FER1L6: variants seen among roughly 807,000 people sequenced by gnomAD.
FER1L6 encodes fer-1 like family member 6, also known as fer-1-like protein 6.
FER1L6 carries 177 observed loss-of-function variants against 219.2 expected under a neutral mutation model. That is an observed-to-expected ratio of 0.81 (90% CI 0.71 to 0.91). FER1L6 has a LOEUF of 0.91. FER1L6 is among the 40% of genes least tolerant of loss of function. The pLI is 0.00. For missense variants in FER1L6, 2,153 were observed against 2,259.9 expected (o/e 0.95, Z 0.96); for synonymous variants, 768 against 824.3 (o/e 0.93, Z 1.17).
In FER1L6 at chr8:124,039,155, C is replaced by T. The variant is rs548099475; in HGVS notation, c.2465-727C>T. ...GCCAGCATTCTCACAGGACACTTAT[C>T]CCTGACCCCCTGCCTGTGATGTGGG... is the stretch of plus-strand genomic sequence containing the variant. On this transcript the variant is annotated intron_variant, in intron 19 of 40. Coordinates refer to ENST00000522917, the MANE Select transcript of FER1L6 (RefSeq NM_001039112.2). Among the ~76,000 whole-genome samples, 126 of 152,292 alleles carry T rather than the reference C, an allele frequency of 8.3e-4. 1 individual carries two copies. Among genetic ancestry groups the T allele is most frequent in the East Asian group, 9.7e-4 (5 of 5,180 alleles).
intron 26 of FER1L6, among the ~76,000 whole-genome samples, chr8:124,065,674 A>G (rs766219050): frequency 6.6e-6 from 1 of 152,230 alleles, no homozygotes; most frequent in African/African-American, 2.4e-5. Flanking sequence ...TGTGAGCCTC[A>G]GCAGAGAAGA....
chr8:123,920,235 C>T (rs1044581156), intron 1 of FER1L6, among the ~76,000 whole-genome samples: 5 of 152,250 alleles, frequency 3.3e-5, no homozygotes, highest in Admixed American at 6.5e-5. Context: ...TCATCAGGAC[C>T]ACGAAGAGGT....
At chr8:123,952,416 A>T (rs562556399) in intron 1 of FER1L6, among the ~76,000 whole-genome samples, 1 of 152,322 alleles carries the variant, frequency 6.6e-6, no homozygotes, top group East Asian at 1.9e-4. Flanking sequence ...TAATGCTCTT[A>T]TTGTTTGGAT....
At position 124,101,170 on chromosome 8, in the gene FER1L6, T is replaced by C. The variant is rs774302707; in HGVS notation, c.4957T>C (p.Phe1653Leu). 6.2e-7 allele frequency: 1 copy of C among 1,613,940 alleles called. No homozygotes were observed. Among genetic ancestry groups the C allele is most frequent in the East Asian group, 2.2e-5 (1 of 44,830 alleles). The change falls in exon 38 of 41, where the codon TTC (phenylalanine) becomes CTC (leucine). Residue 1653 changes from phenylalanine to leucine, a missense_variant. Transcript: ENST00000522917. ...CAACTCCCTGACTGGAGAGGGCAACTTCAACTGGCGCTTCCTGTTTCCCTT... is the reference window on the plus strand; with the variant it reads ...CAACTCCCTGACTGGAGAGGGCAACCTCAACTGGCGCTTCCTGTTTCCCTT... The part of the protein sequence containing the change: ...HYNSLTGEGN[F>L]NWRFLFPFQY...
intron 1 of FER1L6, among the ~76,000 whole-genome samples, chr8:123,952,532 A>G (rs768094002): frequency 6.6e-6 from 1 of 152,162 alleles, no homozygotes; most frequent in South Asian, 2.1e-4. Flanking sequence ...GGAGGATATT[A>G]TGATCCTAAA....
intron 3 of FER1L6, among the ~76,000 whole-genome samples, chr8:123,965,706 C>T (rs146836796): frequency 6.3e-4 from 96 of 152,236 alleles, no homozygotes; most frequent in Admixed American, 1.9e-3. Context: ...TTAAAAAATA[C>T]TGATAATCAT....
At chr8:124,016,277 T>A (rs1391710362) in intron 15 of FER1L6, among the ~76,000 whole-genome samples, 3 of 152,178 alleles carry the variant, frequency 2.0e-5, no homozygotes, top group Admixed American at 6.5e-5. Flanking sequence ...TTTTAAAAAA[T>A]TTAAAGAAAA....
At chr8:123,923,475 CA>C (rs1164816275) in intron 1 of FER1L6, among the ~76,000 whole-genome samples, 1 of 152,128 alleles carries the variant, frequency 6.6e-6, no homozygotes, top group Non-Finnish European at 1.5e-5. Context: ...GCTGCTTCCC[CA>C]GGGCACTGCA....
In FER1L6 at chr8:124,035,314, C is replaced by T. The variant is rs1211738450; in HGVS notation, c.2324C>T (p.Ala775Val). 2 of 1,614,106 alleles carry T rather than the reference C, an allele frequency of 1.2e-6. No individual in the cohort carries two copies. Among genetic ancestry groups the T allele is most frequent in the Admixed American group, 3.3e-5 (2 of 60,002 alleles). ...CGACCGGCTGGTTGGTCTGTGCAAG[C>T]AAAAGTCGACGTGTACCTGTGGCTG... The part of the protein sequence containing the change: ...GKRPAGWSVQ[A>V]KVDVYLWLGS... Residue 775 changes from alanine (A) to valine (V), a missense_variant, in exon 19 of 41, where the codon GCA becomes GTA. Transcript: ENST00000522917.
chr8:123,929,966 G>GTTTT (rs11390460), intron 1 of FER1L6, among the ~76,000 whole-genome samples: 1 of 144,532 alleles, frequency 6.9e-6, no homozygotes, highest in African/African-American at 2.5e-5. Context: ...AGATGGCACT[G>GTTTT]TTTTTTTTTT....
chr8:123,921,086 C>T (rs1813347419), intron 1 of FER1L6, among the ~76,000 whole-genome samples: 1 of 152,140 alleles, frequency 6.6e-6, no homozygotes, highest in Non-Finnish European at 1.5e-5. Context: ...TCCTTTCATC[C>T]ATTGATGGAT....
At chr8:124,065,971 C>T (rs1229514559) in intron 26 of FER1L6, among the ~76,000 whole-genome samples, 1 of 152,208 alleles carries the variant, frequency 6.6e-6, no homozygotes, top group Admixed American at 6.5e-5. Flanking sequence ...ACTTAATCCT[C>T]AGAACAGTTG....
At chr8:124,118,549 T>A (rs1286925992) in intron 39 of FER1L6, among the ~76,000 whole-genome samples, 3 of 152,236 alleles carry the variant, frequency 2.0e-5, no homozygotes, top group Admixed American at 6.5e-5. Flanking sequence ...TTTTTTCAGA[T>A]GTCAAGTGTT....
At chr8:123,995,160 G>T (rs574148948) in intron 12 of FER1L6, among the ~76,000 whole-genome samples, 3 of 152,286 alleles carry the variant, frequency 2.0e-5, no homozygotes, top group African/African-American at 7.2e-5. Flanking sequence ...TTGAAGAAAA[G>T]CTCACAGCAT....
intron 1 of FER1L6, among the ~76,000 whole-genome samples, chr8:123,880,677 C>G (rs1296373114): frequency 6.6e-6 from 1 of 152,184 alleles, no homozygotes; most frequent in Non-Finnish European, 1.5e-5. Context: ...CCCAACTCAA[C>G]CACAAAGGAG....
chr8:123,918,825 T>G (rs911676519), intron 1 of FER1L6, among the ~76,000 whole-genome samples: 1 of 152,096 alleles, frequency 6.6e-6, no homozygotes, highest in African/African-American at 2.4e-5. Context: ...GAGATTCCAG[T>G]GTAAAGGCGA....
At chr8:123,858,405 G>A (rs564727010) in intron 1 of FER1L6, among the ~76,000 whole-genome samples, 26 of 152,354 alleles carry the variant, frequency 1.7e-4, no homozygotes, top group Middle Eastern at 3.4e-3. Flanking sequence ...AGTTAAGGCA[G>A]TGCTAGCTGC....
chr8:123,935,856 T>A (rs972668639), intron 1 of FER1L6, among the ~76,000 whole-genome samples: 5 of 151,838 alleles, frequency 3.3e-5, no homozygotes, highest in Non-Finnish European at 7.4e-5. Flanking sequence ...GGTGCTGTCA[T>A]GTCTGTAGAG....
At position 124,115,475 on chromosome 8, in the gene FER1L6, A is replaced by T. The variant is rs528154509; in HGVS notation, c.5290-3369A>T. ...TGGCGCAAGGCTCTTCATGATGATA[A>T]CAAATGACACCTATCTCTAGGACAG... On this transcript the variant is annotated intron_variant, in intron 39 of 40. Transcript: ENST00000522917. Among the ~76,000 whole-genome samples, 10 of 152,240 alleles carry T rather than the reference A, an allele frequency of 6.6e-5. No homozygotes were observed. The South Asian group carries it at 1.0e-3, about 16-fold the overall frequency.
Sources: allele counts gnomAD v4.1 joint callset (sites outside exome capture counted in the v4.1 genomes callset), GRCh38; gene constraint gnomAD v4.1.1; transcripts MANE v1.5; gene names NCBI Gene and HGNC (gene_info 2026-07-23, HGNC 2026-07-21).